AGBL4: variants seen among roughly 807,000 people sequenced by gnomAD.
AGBL4 encodes the protein cytosolic carboxypeptidase 6.
AGBL4 carries 58 observed loss-of-function variants against 66.4 expected under a neutral mutation model. The ratio of observed to expected loss-of-function variants is 0.87; its 90% CI spans 0.71 to 1.09. The LOEUF is 1.09. AGBL4 is among the 50% of genes least tolerant of loss of function. The pLI is 0.00. For missense variants in AGBL4, 579 were observed against 631.0 expected (o/e 0.92, Z 0.88); for synonymous variants, 234 against 222.9 (o/e 1.05, Z -0.44).
At chr1:49,934,788 G>A (rs559172290) in intron 1 of AGBL4, among the ~76,000 whole-genome samples, 3 of 143,398 alleles carry the variant, frequency 2.1e-5, no homozygotes, top group African/African-American at 8.0e-5. Flanking sequence ...GTAGAAGAAA[G>A]TAAATAATAA....
intron 2 of AGBL4, among the ~76,000 whole-genome samples, chr1:49,738,795 G>T (rs969805387): frequency 6.6e-6 from 1 of 152,180 alleles, no homozygotes; most frequent in African/African-American, 2.4e-5. Flanking sequence ...AGGCAAACAG[G>T]GTCTGGAGTG....
intron 4 of AGBL4, among the ~76,000 whole-genome samples, chr1:49,173,693 G>A (rs986166171): frequency 6.6e-6 from 1 of 152,160 alleles, no homozygotes; most frequent in South Asian, 2.1e-4. Context: ...ATTGAGGGTT[G>A]GGGTTACAAT....
At chr1:49,259,304 C>A (rs1222601136) in intron 3 of AGBL4, among the ~76,000 whole-genome samples, 2 of 151,768 alleles carry the variant, frequency 1.3e-5, no homozygotes, top group African/African-American at 4.8e-5. Flanking sequence ...TCACACATAA[C>A]AATATTAACT....
At chr1:48,990,566 T>C (rs1387407274) in intron 5 of AGBL4, among the ~76,000 whole-genome samples, 5 of 152,080 alleles carry the variant, frequency 3.3e-5, no homozygotes, top group African/African-American at 1.2e-4. Flanking sequence ...TTTTTTTGTA[T>C]ATGGTGAGAG....
At chr1:49,661,800 C>A (rs1646274570) in intron 3 of AGBL4, among the ~76,000 whole-genome samples, 1 of 152,008 alleles carries the variant, frequency 6.6e-6, no homozygotes, top group Non-Finnish European at 1.5e-5. Flanking sequence ...ATAAATATAT[C>A]TATCATGTAA....
chr1:49,854,245 T>C, intron 1 of AGBL4, among the ~76,000 whole-genome samples: 1 of 151,458 alleles, frequency 6.6e-6, no homozygotes, highest in Middle Eastern at 3.4e-3. Context: ...CAACCACACA[T>C]CAAATAAAGT....
intron 6 of AGBL4, among the ~76,000 whole-genome samples, chr1:48,704,780 G>A (rs1028894709): frequency 1.3e-4 from 20 of 152,128 alleles, no homozygotes; most frequent in African/African-American, 4.6e-4. Flanking sequence ...GCCTGAGGGT[G>A]TTTTTATAGT....
intron 1 of AGBL4, among the ~76,000 whole-genome samples, chr1:49,955,680 A>G (rs1314360470): frequency 6.6e-6 from 1 of 151,914 alleles, no homozygotes; most frequent in Non-Finnish European, 1.5e-5. Flanking sequence ...CTAGTTTGGA[A>G]AGAGCCTAAG....
chr1:49,249,480 C>G (rs1338985582), intron 3 of AGBL4, among the ~76,000 whole-genome samples: 1 of 152,068 alleles, frequency 6.6e-6, no homozygotes, highest in East Asian at 1.9e-4. Flanking sequence ...TTATCAACAT[C>G]ATTAATCATC....
At chr1:48,868,419 T>A (rs1570878813) in intron 5 of AGBL4, among the ~76,000 whole-genome samples, 1 of 152,294 alleles carries the variant, frequency 6.6e-6, no homozygotes, top group Non-Finnish European at 1.5e-5. Context: ...ATTTTTTTCA[T>A]ACTCCTGGCA....
intron 3 of AGBL4, among the ~76,000 whole-genome samples, chr1:49,664,995 A>T (rs1168458823): frequency 1.3e-5 from 2 of 152,148 alleles, no homozygotes; most frequent in Non-Finnish European, 2.9e-5. Flanking sequence ...TGCAGAAGTG[A>T]TTTGGAAACC....
At chr1:49,840,075 T>C (rs1419762701) in intron 2 of AGBL4, among the ~76,000 whole-genome samples, 1 of 152,142 alleles carries the variant, frequency 6.6e-6, no homozygotes, top group Non-Finnish European at 1.5e-5. Context: ...TTTGGTAGAA[T>C]TTGGCTATAA....
intron 3 of AGBL4, among the ~76,000 whole-genome samples, chr1:49,433,990 A>C (rs1341644349): frequency 2.0e-5 from 3 of 152,196 alleles, no homozygotes; most frequent in Admixed American, 6.5e-5. Context: ...AAGAGGAAGA[A>C]ATAAATTTTC....
chr1:48,733,088 C>T lies in AGBL4; in HGVS notation c.635-69847G>A, dbSNP rs114246389. ...AAATGGCAAAGGCATTACCAGGGAA[C>T]ACACACAGTGGGTGTAGCTCGTCTT... On this transcript the variant is annotated intron_variant, in intron 6 of 13. Transcript: ENST00000371839. Among the ~76,000 whole-genome samples the T allele has an allele frequency of 4.5e-3, 681 of 152,246 alleles. 8 individuals carry two copies. Among genetic ancestry groups the T allele is most frequent in the African/African-American group, 0.016 (655 of 41,540 alleles).
chr1:48,701,752 T>C (rs78158604), intron 6 of AGBL4, among the ~76,000 whole-genome samples: 1,737 of 152,354 alleles, frequency 0.011, 38 homozygotes, highest in African/African-American at 0.04. Flanking sequence ...ATTCACCAAA[T>C]AGTTTTTGAG....
At chr1:49,016,738 T>G (rs1281684140) in intron 5 of AGBL4, among the ~76,000 whole-genome samples, 2 of 152,218 alleles carry the variant, frequency 1.3e-5, no homozygotes, top group Non-Finnish European at 2.9e-5. Flanking sequence ...ACAGCAGGGA[T>G]CTGCCTTCCC....
intron 6 of AGBL4, among the ~76,000 whole-genome samples, chr1:48,738,429 C>T (rs1227570854): frequency 2.0e-5 from 3 of 152,208 alleles, no homozygotes; most frequent in Non-Finnish European, 4.4e-5. Context: ...GGCTAGGCAA[C>T]ACGGACACCA....
chr1:48,798,825 A>G (rs1209786421), intron 6 of AGBL4, among the ~76,000 whole-genome samples: 10 of 152,098 alleles, frequency 6.6e-5, no homozygotes, highest in South Asian at 2.1e-4. Context: ...TCAGTTGGCT[A>G]TAAGTTTTTG....
chr1:49,343,177 G>A (rs1351617969), intron 3 of AGBL4, among the ~76,000 whole-genome samples: 2 of 151,840 alleles, frequency 1.3e-5, no homozygotes, highest in Non-Finnish European at 2.9e-5. Flanking sequence ...ATGCCCACAT[G>A]AGAGGACCTA....
Sources: allele counts gnomAD v4.1 joint callset (sites outside exome capture counted in the v4.1 genomes callset), GRCh38; gene constraint gnomAD v4.1.1; transcripts MANE v1.5; gene names NCBI Gene and HGNC (gene_info 2026-07-23, HGNC 2026-07-21).